Variants in POU6F2 observed in about 807,000 individuals in gnomAD.
POU6F2 encodes POU class 6 homeobox 2.
POU6F2 carries 31 observed loss-of-function variants against 71.3 expected under a neutral mutation model. That is an observed-to-expected ratio of 0.43 (90% CI 0.33 to 0.59). POU6F2 has a LOEUF of 0.59. Among genes scored for constraint, POU6F2 ranks in the 20% least tolerant of loss-of-function variants. The pLI is 0.04. For synonymous variants in POU6F2, 347 were observed against 355.7 expected (o/e 0.98, Z 0.27); for missense variants, 783 against 856.8 (o/e 0.91, Z 1.07).
At chr7:39,247,364 T>C (rs1783839919) in intron 4 of POU6F2, among the ~76,000 whole-genome samples, 1 of 151,808 alleles carries the variant, frequency 6.6e-6, no homozygotes, top group Non-Finnish European at 1.5e-5. Context: ...GACATGAGAA[T>C]CGCCTAAGCC....
At chr7:39,306,264 A>G (rs988610658) in intron 4 of POU6F2, among the ~76,000 whole-genome samples, 10 of 152,242 alleles carry the variant, frequency 6.6e-5, no homozygotes, top group Admixed American at 5.2e-4. Flanking sequence ...TAAGAATTTG[A>G]CCTTCCAACA....
chr7:39,215,164 GCAAAACC>G (rs1460457879), intron 4 of POU6F2, among the ~76,000 whole-genome samples: 1 of 152,094 alleles, frequency 6.6e-6, no homozygotes, highest in African/African-American at 2.4e-5. Context: ...GGCCAACATG[GCAAAACC>G]CCATCTCTAC....
chr7:38,986,249 A>G (rs1788461467), intron 1 of POU6F2, among the ~76,000 whole-genome samples: 1 of 152,058 alleles, frequency 6.6e-6, no homozygotes. Context: ...TTTTGAGATG[A>G]GGTCTTGCCA....
chr7:39,096,125 G>A (rs1020916398), intron 2 of POU6F2, among the ~76,000 whole-genome samples: 26 of 152,186 alleles, frequency 1.7e-4, no homozygotes, highest in Admixed American at 3.3e-4. Flanking sequence ...GTATCTGCAC[G>A]GAGAGCTCAG....
intron 7 of POU6F2, among the ~76,000 whole-genome samples, chr7:39,450,548 C>T (rs1788634146): frequency 6.6e-6 from 1 of 152,164 alleles, no homozygotes; most frequent in African/African-American, 2.4e-5. Context: ...TTCCCTCTCT[C>T]GTTTCTCTCC....
At chr7:39,204,773 C>T (rs1472267046) in intron 3 of POU6F2, among the ~76,000 whole-genome samples, 1 of 152,088 alleles carries the variant, frequency 6.6e-6, no homozygotes, top group Non-Finnish European at 1.5e-5. Context: ...TTTGACAATA[C>T]TGTACATCAC....
intron 5 of POU6F2, among the ~76,000 whole-genome samples, chr7:39,370,983 G>A (rs1786594118): frequency 6.6e-6 from 1 of 152,116 alleles, no homozygotes; most frequent in East Asian, 1.9e-4. Flanking sequence ...TATTAGTTCT[G>A]CTTCTCTGGA....
In POU6F2 at chr7:39,467,540, A is replaced by AT. The variant is rs1285511459; in HGVS notation, c.*2856dup. 6.6e-6 allele frequency: 1 copy of AT among 152,204 alleles called. No homozygotes were observed. Among genetic ancestry groups the AT allele is most frequent in the Non-Finnish European group, 1.5e-5 (1 of 68,030 alleles). 9.4% of individuals were successfully genotyped at this position (152,204 alleles called of 1,614,324 possible). On this transcript the variant is annotated 3_prime_UTR_variant, in exon 10 of 10. Coordinates refer to ENST00000518318, the MANE Select transcript of POU6F2 (RefSeq NM_001370959.1). ...TATTTTTCTCACATAATTTTTAATT[A>AT]TTGTTATCTGCATTTTCATTACTTC...
At chr7:39,463,190 G>C (rs1788988333) in intron 9 of POU6F2, among the ~76,000 whole-genome samples, 1 of 152,200 alleles carries the variant, frequency 6.6e-6, no homozygotes, top group Non-Finnish European at 1.5e-5. Flanking sequence ...GTACTTCATT[G>C]AGAGTGAGTG....
chr7:39,062,002 A>T (rs1290051073), intron 1 of POU6F2, among the ~76,000 whole-genome samples: 1 of 152,200 alleles, frequency 6.6e-6, no homozygotes, highest in East Asian at 1.9e-4. Context: ...AAGGGGTGCA[A>T]TTTAAAAATT....
intron 4 of POU6F2, among the ~76,000 whole-genome samples, chr7:39,237,728 C>G (rs1165923692): frequency 6.6e-6 from 1 of 152,132 alleles, no homozygotes; most frequent in East Asian, 1.9e-4. Flanking sequence ...TACGACTCAG[C>G]TAGACCCGGC....
intron 4 of POU6F2, 150 bp from the exon 5 acceptor site, chr7:39,339,492 C>G: frequency 3.3e-6 from 4 of 1,222,556 alleles, no homozygotes; most frequent in Non-Finnish European, 4.4e-6. Flanking sequence ...CAGTGCCTCA[C>G]AACACTCTTA....
chr7:39,343,219 A>G (rs1785956823), intron 5 of POU6F2, among the ~76,000 whole-genome samples: 1 of 152,220 alleles, frequency 6.6e-6, no homozygotes. Context: ...TGTGTGGGAC[A>G]AACAAGATGC....
chr7:39,196,321 C>G (rs545140359), intron 2 of POU6F2, among the ~76,000 whole-genome samples: 99 of 152,290 alleles, frequency 6.5e-4, no homozygotes, highest in Middle Eastern at 3.4e-3. Flanking sequence ...CGTATTTTAT[C>G]AATTTCCCAC....
intron 2 of POU6F2, among the ~76,000 whole-genome samples, chr7:39,124,182 G>T (rs573922356): frequency 6.6e-6 from 1 of 151,956 alleles, no homozygotes; most frequent in Non-Finnish European, 1.5e-5. Context: ...GAGTAGCTGG[G>T]ATTACAGGCG....
At chr7:39,062,618 G>A (rs913313220) in intron 1 of POU6F2, among the ~76,000 whole-genome samples, 11 of 149,062 alleles carry the variant, frequency 7.4e-5, no homozygotes, top group African/African-American at 2.2e-4. Context: ...ACATCAGAGC[G>A]TCAGGAAGAG....
At chr7:39,069,894 CG>C (rs1398380484) in intron 1 of POU6F2, among the ~76,000 whole-genome samples, 3 of 152,156 alleles carry the variant, frequency 2.0e-5, no homozygotes, top group African/African-American at 7.2e-5. Flanking sequence ...AGAAAATTCA[CG>C]TATCAGTGGA....
chr7:38,984,615 C>T (rs1788415555), intron 1 of POU6F2, among the ~76,000 whole-genome samples: 1 of 152,076 alleles, frequency 6.6e-6, no homozygotes, highest in Non-Finnish European at 1.5e-5. Flanking sequence ...AAGAAAAGGC[C>T]TCACAGTGCT....
intron 4 of POU6F2, among the ~76,000 whole-genome samples, chr7:39,240,231 G>A (rs1381648719): frequency 1.3e-5 from 2 of 152,080 alleles, no homozygotes; most frequent in African/African-American, 4.8e-5. Flanking sequence ...CCCAAATCGG[G>A]ACAAGGAAAG....
Sources: allele counts gnomAD v4.1 joint callset (sites outside exome capture counted in the v4.1 genomes callset), GRCh38; gene constraint gnomAD v4.1.1; transcripts MANE v1.5; gene names NCBI Gene and HGNC (gene_info 2026-07-23, HGNC 2026-07-21).